ITPR2: variants seen among roughly 807,000 people sequenced by gnomAD.
The protein encoded by ITPR2 is inositol 1,4,5-trisphosphate-gated calcium channel ITPR2.
A neutral mutation model predicts 317.1 loss-of-function variants in ITPR2; 207 were observed. That is an observed-to-expected ratio of 0.65 (90% confidence interval 0.58 to 0.73). The LOEUF is 0.73. Among genes scored for constraint, ITPR2 ranks in the 30% least tolerant of loss-of-function variants. The probability of loss-of-function intolerance (pLI) is 0.00; values close to 1 mark genes in which losing one functional copy is unlikely to be tolerated. For missense variants in ITPR2, 2,613 were observed against 3,284.0 expected (o/e 0.80, Z 4.99); for synonymous variants, 1,156 against 1,149.1 (o/e 1.01, Z -0.12).
rs1946511658 is a variant in ITPR2, at chr12:26,622,179, G to A, written c.3288+61C>T. On this transcript the variant is annotated intron_variant, in intron 25 of 56. Coordinates refer to ENST00000381340, the MANE Select transcript of ITPR2 (RefSeq NM_002223.4). ...ACCTCTGCAGCCATGAAGTCAGGTT[G>A]GATGTTATTAACACTTTCAGAGCTT... The A allele has an allele frequency of 2.1e-6, 3 of 1,458,608 alleles. No homozygotes were observed. In the East Asian group the frequency reaches 6.9e-5, roughly 34 times the overall value. 90.4% of individuals were successfully genotyped at this position (1,458,608 alleles called of 1,614,324 possible).
chr12:26,454,025 T>C (rs1286088995), intron 45 of ITPR2, among the ~76,000 whole-genome samples: 1 of 152,074 alleles, frequency 6.6e-6, no homozygotes, highest in Non-Finnish European at 1.5e-5. Flanking sequence ...GGTGAATGGA[T>C]GGATGGATGG....
In ITPR2 at chr12:26,832,914, G is replaced by C. The variant is rs1456251741; in HGVS notation, c.-133C>G. 4.4e-6 allele frequency: 3 copies of C among 686,264 alleles called. No homozygotes were observed. The highest frequency in any genetic ancestry group is 3.3e-5 in the East Asian group (1 of 29,976). 42.5% of individuals were successfully genotyped at this position (686,264 alleles called of 1,614,324 possible). On this transcript the variant is annotated 5_prime_UTR_variant, in exon 1 of 57. Coordinates refer to ENST00000381340, the MANE Select transcript of ITPR2 (RefSeq NM_002223.4). Reference sequence around the variant, plus strand: ...GGCCAAGAGCCGCGGCGGAGGGCACGGCCCGAGCCACTGAGCGTCGCGGCT... The same window carrying C: ...GGCCAAGAGCCGCGGCGGAGGGCACCGCCCGAGCCACTGAGCGTCGCGGCT...
chr12:26,462,786 C>G (rs910049999), intron 45 of ITPR2, among the ~76,000 whole-genome samples: 3 of 151,898 alleles, frequency 2.0e-5, no homozygotes, highest in African/African-American at 7.3e-5. Flanking sequence ...ATTCTCCTGC[C>G]TTAGCCTCCT....
Position 26,595,649 on chromosome 12 carries a change from T to A in ITPR2, c.4255-59A>T. The stretch of plus-strand genomic sequence containing the variant: ...TTTCTTTATTGATGACTTTCAAATA[T>A]CAATTATGAAAGGTTAACATAAAAT... On this transcript the variant is annotated intron_variant, in intron 31 of 56. Coordinates refer to ENST00000381340, the MANE Select transcript of ITPR2 (RefSeq NM_002223.4). 1.5e-6 allele frequency: 2 copies of A among 1,339,168 alleles called. 1 individual carries two copies. Among genetic ancestry groups the A allele is most frequent in the South Asian group, 2.8e-5 (2 of 70,852 alleles). The allele number at this position is 1,339,168 out of a possible 1,614,324, so 83.0% of individuals were successfully genotyped here.
intron 2 of ITPR2, among the ~76,000 whole-genome samples, chr12:26,750,534 AC>A (rs1478383747): frequency 6.6e-6 from 1 of 152,188 alleles, no homozygotes; most frequent in Admixed American, 6.5e-5. Flanking sequence ...TAAGAAGTTC[AC>A]CCTGTGCTTT....
At chr12:26,622,102 G>A (rs1038828090) in intron 25 of ITPR2, 138 bp downstream of exon 25, 1 of 636,546 alleles carries the variant, frequency 1.6e-6, no homozygotes, top group Non-Finnish European at 2.5e-6. Context: ...ACAAGGCCAT[G>A]TCTCTGTTTA....
intron 37 of ITPR2, among the ~76,000 whole-genome samples, chr12:26,498,797 G>A (rs1202538348): frequency 6.6e-6 from 1 of 152,126 alleles, no homozygotes; most frequent in East Asian, 1.9e-4. Flanking sequence ...TTGAGAACTA[G>A]CTCCCCTTTT....
chr12:26,594,015 A>G (rs948031609), intron 32 of ITPR2, among the ~76,000 whole-genome samples: 1 of 152,190 alleles, frequency 6.6e-6, no homozygotes, highest in Non-Finnish European at 1.5e-5. Context: ...GCAGTTTTAA[A>G]GCTTAGTCAT....
intron 1 of ITPR2, among the ~76,000 whole-genome samples, chr12:26,800,250 T>G (rs1950532593): frequency 6.6e-6 from 1 of 152,164 alleles, no homozygotes; most frequent in South Asian, 2.1e-4. Flanking sequence ...AAAAAAAGTT[T>G]TATACTTGAT....
intron 22 of ITPR2, 76 bp downstream of exon 22, chr12:26,631,790 G>T: frequency 2.3e-6 from 3 of 1,279,308 alleles, no homozygotes; most frequent in Non-Finnish European, 3.4e-6. Context: ...ACAGTGATTT[G>T]GAACAAAAAG....
At chr12:26,739,946 G>GTGGTT (rs1397670209) in intron 2 of ITPR2, among the ~76,000 whole-genome samples, 1 of 152,152 alleles carries the variant, frequency 6.6e-6, no homozygotes, top group East Asian at 1.9e-4. Context: ...AATAGTTGTT[G>GTGGTT]TGGTTTGGTT....
Position 26,400,117 on chromosome 12 carries a change from C to G in ITPR2, c.7530+11G>C. ...TGTGCTCCTTGAAAAAATACTTTTA[C>G]TCTGGCTTACATCTTTCGATGGCCT... On this transcript the variant is annotated intron_variant, in intron 53 of 56. Transcript: ENST00000381340. The G allele has an allele frequency of 1.9e-6, 3 of 1,590,712 alleles. No individual in the cohort carries two copies. Among genetic ancestry groups the G allele is most frequent in the Non-Finnish European group, 1.7e-6 (2 of 1,170,264 alleles).
intron 1 of ITPR2, among the ~76,000 whole-genome samples, chr12:26,830,060 C>T (rs922422929): frequency 6.6e-6 from 1 of 152,190 alleles, no homozygotes; most frequent in Non-Finnish European, 1.5e-5. Flanking sequence ...TCCGCCACCA[C>T]GCCCAGCTAA....
At chr12:26,709,664 G>C (rs1373427654) in intron 9 of ITPR2, among the ~76,000 whole-genome samples, 1 of 152,124 alleles carries the variant, frequency 6.6e-6, no homozygotes, top group Non-Finnish European at 1.5e-5. Context: ...CAGTAGATTT[G>C]CTTGAAAAGT....
intron 33 of ITPR2, among the ~76,000 whole-genome samples, chr12:26,579,454 C>G (rs539871085): frequency 6.6e-6 from 1 of 152,120 alleles, no homozygotes; most frequent in Non-Finnish European, 1.5e-5. Context: ...ATTCTGTACA[C>G]AAACAAATTT....
At chr12:26,446,403 C>A (rs1388069752) in intron 45 of ITPR2, among the ~76,000 whole-genome samples, 1 of 152,066 alleles carries the variant, frequency 6.6e-6, no homozygotes, top group Non-Finnish European at 1.5e-5. Context: ...AATACTGGAA[C>A]TCTTTAAATC....
At chr12:26,554,640 C>T (rs1355032654) in intron 36 of ITPR2, among the ~76,000 whole-genome samples, 5 of 152,138 alleles carry the variant, frequency 3.3e-5, no homozygotes, top group South Asian at 2.1e-4. Context: ...TGTCACATCT[C>T]GGGGATATAG....
intron 48 of ITPR2, among the ~76,000 whole-genome samples, chr12:26,433,319 A>G (rs1941265582): frequency 6.6e-6 from 1 of 152,148 alleles, no homozygotes; most frequent in African/African-American, 2.4e-5. Context: ...TCCCAGAAGT[A>G]AAGTCTGCAT....
intron 48 of ITPR2, 106 bp downstream of exon 48, chr12:26,436,115 T>C (rs780965209): frequency 3.5e-5 from 39 of 1,109,538 alleles, no homozygotes; most frequent in Non-Finnish European, 4.6e-5. Flanking sequence ...CCAACAAGTA[T>C]AGAAAAATCC....
Sources: gnomAD v4.1 joint callset for allele counts (sites outside exome capture counted in the v4.1 genomes callset) on GRCh38, gnomAD v4.1.1 for gene constraint, MANE v1.5 for transcripts, NCBI Gene and HGNC (gene_info 2026-07-23, HGNC 2026-07-21) for gene names.